Variants in NAALADL2 observed in about 807,000 individuals in gnomAD.
NAALADL2 encodes inactive N-acetylated-alpha-linked acidic dipeptidase-like protein 2.
A neutral mutation model predicts 87.2 loss-of-function variants in NAALADL2; 76 were observed. The ratio of observed to expected loss-of-function variants is 0.87; its 90% CI spans 0.72 to 1.05. The LOEUF (loss-of-function observed/expected upper bound fraction) is 1.05. Among genes scored for constraint, NAALADL2 ranks in the 50% least tolerant of loss-of-function variants. NAALADL2 has a pLI of 0.00. For synonymous variants in NAALADL2, 354 were observed against 331.0 expected, an observed-to-expected ratio of 1.07 and a Z score of -0.75; for missense variants, 1,089 against 945.8, an observed-to-expected ratio of 1.15 and a Z score of -1.99.
intron 5 of NAALADL2, among the ~76,000 whole-genome samples, chr3:175,362,105 G>A (rs975923868): frequency 6.1e-5 from 9 of 148,022 alleles, no homozygotes; most frequent in South Asian, 4.4e-4. Context: ...ATTTTCCAGC[G>A]CCATTTATTA....
intron 10 of NAALADL2, among the ~76,000 whole-genome samples, chr3:175,622,433 C>G (rs965398477): frequency 3.9e-5 from 6 of 152,024 alleles, no homozygotes; most frequent in African/African-American, 1.4e-4. Flanking sequence ...AGTTTCGTTT[C>G]ACAGGCTTGA....
chr3:175,667,241 A>AAAAGAAAGAAAGAAAG (rs1553945220), intron 11 of NAALADL2, among the ~76,000 whole-genome samples: 25 of 91,730 alleles, frequency 2.7e-4, no homozygotes, highest in African/African-American at 1.1e-3. Context: ...GAAAGAAAGA[A>AAAAGAAAGAAAGAAAG]AAAGAAAGAA....
At chr3:175,154,248 A>G (rs13061641) in intron 2 of NAALADL2, among the ~76,000 whole-genome samples, 102,839 of 152,054 alleles carry the variant, frequency 0.68, 36,824 homozygotes, top group Non-Finnish European at 0.8. Context: ...CATGAAAACC[A>G]TATATCATTT....
intron 2 of NAALADL2, among the ~76,000 whole-genome samples, chr3:175,165,940 A>G (rs1733934964): frequency 6.6e-6 from 1 of 151,888 alleles, no homozygotes; most frequent in Admixed American, 6.6e-5. Flanking sequence ...CCTCTCAGGA[A>G]TAACTATGTG....
intron 2 of NAALADL2, among the ~76,000 whole-genome samples, chr3:174,673,895 A>G (rs1726798722): frequency 6.6e-6 from 1 of 152,018 alleles, no homozygotes; most frequent in East Asian, 1.9e-4. Flanking sequence ...GTATGCATGT[A>G]TCAAAATATC....
At chr3:175,024,355 G>A (rs948571317) in intron 1 of NAALADL2, among the ~76,000 whole-genome samples, 5 of 151,996 alleles carry the variant, frequency 3.3e-5, no homozygotes, top group Non-Finnish European at 5.9e-5. Context: ...AACAACAACA[G>A]CAAGAAAAAA....
At chr3:174,920,981 T>G (rs1362002925) in intron 1 of NAALADL2, among the ~76,000 whole-genome samples, 2 of 152,166 alleles carry the variant, frequency 1.3e-5, no homozygotes, top group Admixed American at 1.3e-4. Flanking sequence ...GTTTGCCATC[T>G]CACATGGTCA....
At chr3:175,609,742 A>C (rs1168369741) in intron 10 of NAALADL2, 2 of 152,286 alleles carry the variant, frequency 1.3e-5, no homozygotes, top group African/African-American at 4.8e-5. Flanking sequence ...GCAGAGGGGA[A>C]ATTAACTTAC....
At chr3:174,691,294 C>T (rs1490826519) in intron 2 of NAALADL2, among the ~76,000 whole-genome samples, 1 of 151,974 alleles carries the variant, frequency 6.6e-6, no homozygotes, top group Non-Finnish European at 1.5e-5. Context: ...CACCTGTAAT[C>T]CCAGATACTT....
intron 2 of NAALADL2, among the ~76,000 whole-genome samples, chr3:174,714,927 T>C (rs572299056): frequency 6.6e-6 from 1 of 152,310 alleles, no homozygotes; most frequent in South Asian, 2.1e-4. Context: ...TGATATTGGC[T>C]GTGGGTTTGT....
chr3:175,611,203 A>G (rs552996627), intron 10 of NAALADL2, among the ~76,000 whole-genome samples: 2 of 152,256 alleles, frequency 1.3e-5, no homozygotes, highest in African/African-American at 4.8e-5. Flanking sequence ...TTGTATAGTT[A>G]GATGTGGTAC....
intron 9 of NAALADL2, among the ~76,000 whole-genome samples, chr3:175,482,192 T>C (rs1268230695): frequency 6.6e-6 from 1 of 151,958 alleles, no homozygotes; most frequent in East Asian, 1.9e-4. Context: ...AAAGTAATCA[T>C]TAGATTCTAA....
At chr3:175,455,580 T>C (rs7623026) in intron 6 of NAALADL2, among the ~76,000 whole-genome samples, 4,103 of 152,180 alleles carry the variant, frequency 0.027, 76 homozygotes, top group East Asian at 0.085. Flanking sequence ...TGTTAATTGT[T>C]TTTCCAAAAG....
intron 9 of NAALADL2, among the ~76,000 whole-genome samples, chr3:175,486,109 T>C (rs1427351004): frequency 1.3e-5 from 2 of 152,278 alleles, no homozygotes; most frequent in East Asian, 3.9e-4. Flanking sequence ...AAGACACTTG[T>C]CTTACCTACT....
chr3:175,127,973 T>C (rs886084761), intron 2 of NAALADL2, among the ~76,000 whole-genome samples: 1 of 152,206 alleles, frequency 6.6e-6, no homozygotes. Flanking sequence ...ATTTCAATTA[T>C]GTATACTTTT....
intron 1 of NAALADL2, among the ~76,000 whole-genome samples, chr3:174,508,163 G>T (rs150750960): frequency 0.033 from 4,222 of 128,858 alleles, 201 homozygotes; most frequent in African/African-American, 0.11. Context: ...GCCCAGGCTG[G>T]ACTGCAGTGG....
intron 11 of NAALADL2, among the ~76,000 whole-genome samples, chr3:175,630,002 T>G (rs370589503): frequency 1.3e-4 from 20 of 151,860 alleles, no homozygotes; most frequent in African/African-American, 4.1e-4. Flanking sequence ...TAAAACCTGC[T>G]TAGGTTCAGA....
At chr3:175,593,663 G>A (rs2149612321) in intron 10 of NAALADL2, among the ~76,000 whole-genome samples, 1 of 152,190 alleles carries the variant, frequency 6.6e-6, no homozygotes, top group South Asian at 2.1e-4. Context: ...CCAATGTTTA[G>A]CATTTCTTGG....
At chr3:174,814,456 C>T (rs192545121) in intron 3 of NAALADL2, among the ~76,000 whole-genome samples, 139 of 152,124 alleles carry the variant, frequency 9.1e-4, no homozygotes, top group East Asian at 6.6e-3. Flanking sequence ...ATGTATCTTG[C>T]GTGTGATCTT....
Sources: gnomAD v4.1 joint callset for allele counts (sites outside exome capture counted in the v4.1 genomes callset) on GRCh38, gnomAD v4.1.1 for gene constraint, MANE v1.5 for transcripts, NCBI Gene and HGNC (gene_info 2026-07-23, HGNC 2026-07-21) for gene names.